Variants in CCDC73 observed in about 807,000 individuals in gnomAD.
The protein encoded by CCDC73 is coiled-coil domain containing 73.
Under a neutral mutation model 116.5 loss-of-function variants are expected in CCDC73, and 95 were observed. The observed-to-expected ratio is 0.82, with a 90% CI of 0.69 to 0.97. The LOEUF (loss-of-function observed/expected upper bound fraction) is 0.97, where lower values mean the gene tolerates loss of function less well. CCDC73 is among the 50% of genes least tolerant of loss of function. The pLI is 0.00. For missense variants in CCDC73, 1,066 were observed against 1,206.8 expected, an observed-to-expected ratio of 0.88 and a Z score of 1.73; for synonymous variants, 398 against 401.3, an observed-to-expected ratio of 0.99 and a Z score of 0.10.
At chr11:32,668,398 A>G (rs1856007345) in intron 9 of CCDC73, among the ~76,000 whole-genome samples, 1 of 152,208 alleles carries the variant, frequency 6.6e-6, no homozygotes, top group Non-Finnish European at 1.5e-5. Context: ...AATAGATTCA[A>G]AGATCTAAGA....
chr11:32,820,082 A>T, the CCDC73 span, among the ~76,000 whole-genome samples: 1 of 152,216 alleles, frequency 6.6e-6, no homozygotes, highest in East Asian at 1.9e-4. Flanking sequence ...TCAAAAAGTC[A>T]TTTGAAAGTA....
intron 1 of CCDC73, among the ~76,000 whole-genome samples, chr11:32,767,914 C>T (rs1458634463): frequency 1.3e-5 from 2 of 152,144 alleles, no homozygotes; most frequent in East Asian, 1.9e-4. Context: ...GTCAGTGTGG[C>T]GATTCCTCAA....
intron 11 of CCDC73, 131 bp from the exon 12 acceptor site, chr11:32,653,358 ACTAATGGCACAT>A: frequency 3.9e-6 from 2 of 518,880 alleles, no homozygotes; most frequent in Non-Finnish European, 6.6e-6. Flanking sequence ...TTTATATTAA[ACTAATGGCACAT>A]CTAATGGTAT....
the CCDC73 span, among the ~76,000 whole-genome samples, chr11:32,811,023 C>A: frequency 6.6e-6 from 1 of 151,420 alleles, no homozygotes; most frequent in Non-Finnish European, 1.5e-5. Flanking sequence ...CTTATAATCC[C>A]AGCTACATGG....
At chr11:32,614,997 A>T in intron 15 of CCDC73, 55 bp from the exon 16 acceptor site, 1 of 1,023,964 alleles carries the variant, frequency 9.8e-7, no homozygotes, top group Non-Finnish European at 1.4e-6. Flanking sequence ...GGCTGATTTC[A>T]TAAGACATAT....
chr11:32,697,794 GT>G (rs200421115), intron 6 of CCDC73, among the ~76,000 whole-genome samples: 1 of 151,348 alleles, frequency 6.6e-6, no homozygotes, highest in African/African-American at 2.4e-5. Flanking sequence ...TGACACTGAA[GT>G]TTTTTTTGTT....
intron 2 of CCDC73, among the ~76,000 whole-genome samples, chr11:32,749,709 GTTTT>G (rs1850269950): frequency 6.6e-6 from 1 of 152,010 alleles, no homozygotes; most frequent in African/African-American, 2.4e-5. Flanking sequence ...TGTGATCTAA[GTTTT>G]TTGTCACTGC....
rs80096447 is a variant in CCDC73 at position 32,657,096 on chromosome 11, G to A, written c.646-2124C>T. On this transcript the variant is annotated intron_variant, in intron 9 of 17. Coordinates refer to ENST00000335185, the MANE Select transcript of CCDC73 (RefSeq NM_001008391.4). The stretch of plus-strand genomic sequence containing the variant: ...GATTAGAGAAGAAGCCAGTATATAA[G>A]GCTGAGAAATAAAGTCAACTGAGAT... 2.0e-5 allele frequency among the ~76,000 whole-genome samples: 3 copies of A among 152,224 alleles called. No homozygotes were observed. The East Asian group carries it at 5.8e-4, about 29-fold the overall frequency.
At chr11:32,725,763 T>C (rs1850025316) in intron 2 of CCDC73, among the ~76,000 whole-genome samples, 1 of 152,156 alleles carries the variant, frequency 6.6e-6, no homozygotes, top group South Asian at 2.1e-4. Flanking sequence ...ACTGATGATG[T>C]AGAATACATC....
chr11:32,637,841 T>C (rs903202995), intron 13 of CCDC73, among the ~76,000 whole-genome samples: 1 of 152,204 alleles, frequency 6.6e-6, no homozygotes, highest in Non-Finnish European at 1.5e-5. Flanking sequence ...CTTAAATCTA[T>C]ATCTCCTCCC....
intron 17 of CCDC73, chr11:32,603,427 C>T (rs1855303380): frequency 1.3e-5 from 2 of 150,426 alleles, no homozygotes; most frequent in African/African-American, 4.9e-5. Flanking sequence ...AAAATACTTA[C>T]TGGAAATTTA....
At chr11:32,751,877 T>C (rs1442392047) in intron 2 of CCDC73, among the ~76,000 whole-genome samples, 2 of 152,182 alleles carry the variant, frequency 1.3e-5, no homozygotes, top group African/African-American at 2.4e-5. Context: ...AACTTAGTAA[T>C]TTAAAACAAT....
intron 3 of CCDC73, among the ~76,000 whole-genome samples, chr11:32,713,588 C>G (rs1386179): frequency 0.75 from 114,542 of 151,898 alleles, 43,327 homozygotes; most frequent in East Asian, 0.93. Context: ...GTTTAAAAAG[C>G]CTATTTTGGA....
At chr11:32,801,437 T>A in the CCDC73 span, among the ~76,000 whole-genome samples, 1 of 152,168 alleles carries the variant, frequency 6.6e-6, no homozygotes, top group Middle Eastern at 3.4e-3. Context: ...GGTGAGGAGT[T>A]CAAGACCAGC....
At chr11:32,764,323 A>C (rs1850420758) in intron 1 of CCDC73, among the ~76,000 whole-genome samples, 1 of 152,210 alleles carries the variant, frequency 6.6e-6, no homozygotes, top group African/African-American at 2.4e-5. Flanking sequence ...AGATTCACCA[A>C]AGTTGAAATG....
intron 2 of CCDC73, among the ~76,000 whole-genome samples, chr11:32,747,726 C>A (rs1181191860): frequency 6.6e-6 from 1 of 152,228 alleles, no homozygotes; most frequent in Admixed American, 6.5e-5. Flanking sequence ...AGCAAGCAAG[C>A]AAGGCTCCAT....
intron 1 of CCDC73, among the ~76,000 whole-genome samples, chr11:32,788,149 T>A (rs113005029): frequency 0.028 from 4,250 of 152,292 alleles, 80 homozygotes; most frequent in Non-Finnish European, 0.036. Context: ...GGCACTAAAT[T>A]AATTTTTGTT....
the CCDC73 span, among the ~76,000 whole-genome samples, chr11:32,802,349 C>T: frequency 2.0e-5 from 3 of 152,122 alleles, no homozygotes; most frequent in African/African-American, 7.2e-5. Context: ...AACACACCAA[C>T]CATAATTTAA....
chr11:32,724,809 G>A (rs1362745613), intron 2 of CCDC73, among the ~76,000 whole-genome samples: 1 of 152,098 alleles, frequency 6.6e-6, no homozygotes, highest in Non-Finnish European at 1.5e-5. Flanking sequence ...AGGTGTCTGT[G>A]ACTTGTTACT....
Sources: gnomAD v4.1 joint callset for allele counts (sites outside exome capture counted in the v4.1 genomes callset) on GRCh38, gnomAD v4.1.1 for gene constraint, MANE v1.5 for transcripts, NCBI Gene and HGNC (gene_info 2026-07-23, HGNC 2026-07-21) for gene names.